CHCHD3: variants seen among roughly 807,000 people sequenced by gnomAD.
CHCHD3 encodes coiled-coil-helix-coiled-coil-helix domain containing 3, also known as MICOS complex subunit MIC19.
Under a neutral mutation model 38.2 loss-of-function variants are expected in CHCHD3, and 20 were observed. The observed-to-expected ratio is 0.52, with a 90% CI of 0.37 to 0.76. CHCHD3 has a LOEUF of 0.76. Among genes scored for constraint, CHCHD3 ranks in the 30% least tolerant of loss-of-function variants. The probability of loss-of-function intolerance (pLI) is 0.00; values close to 1 mark genes in which losing one functional copy is unlikely to be tolerated. For synonymous variants in CHCHD3, 82 were observed against 100.0 expected, an observed-to-expected ratio of 0.82 and a Z score of 1.07; for missense variants, 245 against 279.2, an observed-to-expected ratio of 0.88 and a Z score of 0.87.
chr7:133,070,871 T>A (rs1287154806), intron 1 of CHCHD3, among the ~76,000 whole-genome samples: 1 of 152,198 alleles, frequency 6.6e-6, no homozygotes, highest in Non-Finnish European at 1.5e-5. Context: ...GGGCAGCACA[T>A]GTAGCCAGGC....
At chr7:132,917,967 A>G (rs778168195) in intron 4 of CHCHD3, among the ~76,000 whole-genome samples, 1 of 152,022 alleles carries the variant, frequency 6.6e-6, no homozygotes, top group Non-Finnish European at 1.5e-5. Context: ...CCAAGCAGGT[A>G]TGTGAGCAAA....
chr7:132,887,017 G>A, intron 4 of CHCHD3: 3 of 1,215,460 alleles, frequency 2.5e-6, no homozygotes, highest in Non-Finnish European at 3.1e-6. Flanking sequence ...AAAATAAACA[G>A]TTATTTAACA....
intron 7 of CHCHD3, among the ~76,000 whole-genome samples, chr7:132,790,099 T>C (rs1212579651): frequency 2.0e-5 from 3 of 152,236 alleles, no homozygotes; most frequent in Non-Finnish European, 4.4e-5. Flanking sequence ...TTGTTTTCAA[T>C]ATGTGTCTAT....
intron 4 of CHCHD3, among the ~76,000 whole-genome samples, chr7:132,894,738 G>C (rs1809451218): frequency 6.6e-6 from 1 of 152,178 alleles, no homozygotes; most frequent in South Asian, 2.1e-4. Context: ...AAAGTAAGTA[G>C]GTACAGCTTC....
At chr7:133,024,912 G>A (rs1330679367) in intron 2 of CHCHD3, among the ~76,000 whole-genome samples, 1 of 152,144 alleles carries the variant, frequency 6.6e-6, no homozygotes, top group Non-Finnish European at 1.5e-5. Flanking sequence ...GAGTCAGTAA[G>A]GACCAATTCT....
chr7:133,031,524 C>T, intron 2 of CHCHD3, among the ~76,000 whole-genome samples: 1 of 151,982 alleles, frequency 6.6e-6, no homozygotes, highest in East Asian at 1.9e-4. Flanking sequence ...AATCCTTACA[C>T]TATAATTCCC....
rs143766124 is a variant in CHCHD3 at position 132,845,220 on chromosome 7, C to T, written c.454-6751G>A. The T allele has an allele frequency of 4.6e-5, 7 of 152,198 alleles. 1 individual carries two copies. Among genetic ancestry groups the T allele is most frequent in the Admixed American group, 4.6e-4 (7 of 15,284 alleles). The allele number at this position is 152,198 out of a possible 1,614,324, so 9.4% of individuals were successfully genotyped here. A position where few individuals can be genotyped will look rare whatever the true frequency, so the allele number is the denominator to read the frequency against. On this transcript the variant is annotated intron_variant, in intron 5 of 7. Transcript: ENST00000262570. ...GTAACAATGATTACCTAATAGGATT[C>T]TCTGGGGATTAAATAAGGTAATATA...
intron 2 of CHCHD3, among the ~76,000 whole-genome samples, chr7:133,059,382 G>T (rs905303874): frequency 6.6e-6 from 1 of 152,268 alleles, no homozygotes; most frequent in Admixed American, 6.5e-5. Context: ...AGGGGACAAA[G>T]GTACTAATGT....
At chr7:133,026,378 T>C (rs1230637783) in intron 2 of CHCHD3, among the ~76,000 whole-genome samples, 2 of 152,108 alleles carry the variant, frequency 1.3e-5, no homozygotes, top group Admixed American at 6.5e-5. Context: ...CAATAACAAG[T>C]GTTGGTGAAG....
At chr7:132,876,232 A>T (rs1808893249) in intron 5 of CHCHD3, among the ~76,000 whole-genome samples, 1 of 152,212 alleles carries the variant, frequency 6.6e-6, no homozygotes, top group South Asian at 2.1e-4. Context: ...ATTGGATGTG[A>T]AGAAAATTCA....
rs1234338056 is a variant in CHCHD3, at chr7:132,857,678, G to A, written c.454-19209C>T. On this transcript the variant is annotated intron_variant, in intron 5 of 7. Transcript: ENST00000262570. ...CTGCCTTGGCGTCCCAAAGTGCTGG[G>A]ATTACAGGCATGAGCCGCTGCGCCT... Among the ~76,000 whole-genome samples, 3 of 152,300 alleles carry A rather than the reference G, an allele frequency of 2.0e-5. No homozygotes were observed. In the South Asian group the frequency reaches 6.2e-4, roughly 32 times the overall value.
chr7:132,905,825 C>G (rs578099111), intron 4 of CHCHD3, among the ~76,000 whole-genome samples: 1 of 152,146 alleles, frequency 6.6e-6, no homozygotes, highest in African/African-American at 2.4e-5. Flanking sequence ...ATTTACTAAT[C>G]GAGATGAGTA....
At chr7:132,882,833 T>C (rs540174853) in intron 5 of CHCHD3, among the ~76,000 whole-genome samples, 1 of 152,240 alleles carries the variant, frequency 6.6e-6, no homozygotes. Flanking sequence ...ACTTTCACTT[T>C]CACTCATTTA....
chr7:133,060,410 G>A (rs555562038), intron 2 of CHCHD3, among the ~76,000 whole-genome samples: 1 of 152,300 alleles, frequency 6.6e-6, no homozygotes, highest in Admixed American at 6.5e-5. Context: ...CGAGAGACGT[G>A]CACAGGTACC....
At chr7:132,954,354 T>A (rs917755858) in intron 4 of CHCHD3, among the ~76,000 whole-genome samples, 2 of 152,176 alleles carry the variant, frequency 1.3e-5, no homozygotes, top group Admixed American at 6.5e-5. Flanking sequence ...CTATGTCTGA[T>A]TACATGGCTC....
Position 132,788,466 on chromosome 7 carries a change from A to G in CHCHD3, c.661-2806T>C, listed in dbSNP as rs1806379877. Among the ~76,000 whole-genome samples, 3 of 152,230 alleles carry G rather than the reference A, an allele frequency of 2.0e-5. No individual in the cohort carries two copies. Among genetic ancestry groups the G allele is most frequent in the Admixed American group, 6.5e-5 (1 of 15,292 alleles). ...TACCTCCTTTCAAATATTGCAAAAT[A>G]ACCTGCAGCTGCCACAACTTAAGGA... On this transcript the variant is annotated intron_variant, in intron 7 of 7. Coordinates refer to ENST00000262570, the MANE Select transcript of CHCHD3 (RefSeq NM_017812.4). The surrounding 1 kb of genome is among the most constrained non-coding windows in gnomAD (Gnocchi z 4.0).
At chr7:132,943,202 T>C (rs1810809702) in intron 4 of CHCHD3, among the ~76,000 whole-genome samples, 2 of 152,260 alleles carry the variant, frequency 1.3e-5, no homozygotes, top group African/African-American at 2.4e-5. Flanking sequence ...ACAAAGAGAC[T>C]TGAGTATTTA....
intron 4 of CHCHD3, among the ~76,000 whole-genome samples, chr7:132,895,844 A>G (rs2117192398): frequency 6.6e-6 from 1 of 152,352 alleles, no homozygotes; most frequent in East Asian, 1.9e-4. Context: ...TTAGCAGTGT[A>G]AGAACAGACT....
intron 4 of CHCHD3, chr7:132,973,527 C>T (rs1156732374): frequency 1.0e-6 from 1 of 985,408 alleles, no homozygotes; most frequent in Non-Finnish European, 1.2e-6. Context: ...GCTTCCACCT[C>T]TCTTATTCCC....
Sources: gnomAD v4.1 joint callset for allele counts (sites outside exome capture counted in the v4.1 genomes callset) on GRCh38, gnomAD v4.1.1 for gene constraint, Gnocchi (gnomAD v3.1) non-coding constraint, MANE v1.5 for transcripts, NCBI Gene and HGNC (gene_info 2026-07-23, HGNC 2026-07-21) for gene names.